The following RAB5C variants were observed in gnomAD, a reference collection of about 807,000 sequenced individuals.
RAB5C encodes the protein RAB5C, member RAS oncogene family.
A neutral mutation model predicts 25.2 loss-of-function variants in RAB5C; 4 were observed. The observed-to-expected ratio is 0.16, with a 90% CI of 0.08 to 0.36. The LOEUF (loss-of-function observed/expected upper bound fraction) is 0.36, where lower values mean the gene tolerates loss of function less well. Among genes scored for constraint, RAB5C ranks in the 10% least tolerant of loss-of-function variants. The pLI is 1.00. For synonymous variants in RAB5C, 100 were observed against 106.4 expected, an observed-to-expected ratio of 0.94 and a Z score of 0.37; for missense variants, 199 against 283.8, an observed-to-expected ratio of 0.70 and a Z score of 2.15.
intron 1 of RAB5C, among the ~76,000 whole-genome samples, chr17:42,133,888 A>G (rs1446879124): frequency 6.6e-6 from 1 of 152,178 alleles, no homozygotes; most frequent in Non-Finnish European, 1.5e-5. Flanking sequence ...GGCCATCCCA[A>G]TGAACTGAGA....
At chr17:42,132,475 T>C (rs1398541272) in intron 1 of RAB5C, among the ~76,000 whole-genome samples, 1 of 152,220 alleles carries the variant, frequency 6.6e-6, no homozygotes, top group Non-Finnish European at 1.5e-5. Flanking sequence ...TTCTGCTTCT[T>C]AGAGATGCCT....
In RAB5C at chr17:42,125,736, G is replaced by A; in HGVS notation, c.*47C>T. 7.2e-7 allele frequency: 1 copy of A among 1,381,576 alleles called. No individual in the cohort carries two copies. The highest frequency in any genetic ancestry group is 1.0e-6 in the Non-Finnish European group (1 of 998,390). The allele number at this position is 1,381,576 out of a possible 1,614,324, so 85.6% of individuals were successfully genotyped here. On this transcript the variant is annotated 3_prime_UTR_variant, in exon 6 of 6. Coordinates refer to ENST00000346213, the MANE Select transcript of RAB5C (RefSeq NM_004583.4). ...GATTGGTTAGAGTGGATTCCAGTCG[G>A]GTCATTCAGGCGGAGGAGGCGGGGG...
At chr17:42,146,754 A>T (rs1395081500) in intron 1 of RAB5C, among the ~76,000 whole-genome samples, 1 of 145,254 alleles carries the variant, frequency 6.9e-6, no homozygotes, top group Non-Finnish European at 1.5e-5. Flanking sequence ...ATTTCAAAAG[A>T]AAAAAAAAAA....
chr17:42,125,611 G>A lies in RAB5C; in HGVS notation c.*172C>T. 1 of 587,178 alleles carries A rather than the reference G, an allele frequency of 1.7e-6. No individual in the cohort carries two copies. The highest frequency in any genetic ancestry group is 3.0e-6 in the Non-Finnish European group (1 of 329,274). The allele number at this position is 587,178 out of a possible 1,614,324, so 36.4% of individuals were successfully genotyped here. ...ATTAGTATTTGTACAGAAAGGTGCA[G>A]GTGGAATGACTCACTCCGGCCTATG... On this transcript the variant is annotated 3_prime_UTR_variant, in exon 6 of 6. Transcript: ENST00000346213.
chr17:42,136,135 G>A (rs1481657112), intron 1 of RAB5C: 1 of 152,190 alleles, frequency 6.6e-6, no homozygotes, highest in Non-Finnish European at 1.5e-5. Context: ...TAAAGAAAAT[G>A]GAGCAAGAGA....
chr17:42,144,897 G>C (rs1290615605), intron 1 of RAB5C, among the ~76,000 whole-genome samples: 1 of 101,538 alleles, frequency 9.8e-6, no homozygotes, highest in Non-Finnish European at 1.9e-5. Flanking sequence ...ACTGCATCCA[G>C]CCTGGGCGAC....
At chr17:42,143,065 C>T (rs778025317) in intron 1 of RAB5C, among the ~76,000 whole-genome samples, 109 of 152,258 alleles carry the variant, frequency 7.2e-4, no homozygotes, top group Non-Finnish European at 1.3e-3. Flanking sequence ...TAGCATCAGG[C>T]AGGGGTAAGA....
intron 1 of RAB5C, chr17:42,131,624 C>T (rs1204408896): frequency 1.1e-5 from 17 of 1,534,112 alleles, no homozygotes; most frequent in African/African-American, 5.5e-5. Context: ...CCATTCTCTA[C>T]TGGCAGAGAT....
intron 1 of RAB5C, among the ~76,000 whole-genome samples, chr17:42,145,613 G>A (rs959638654): frequency 6.6e-6 from 1 of 152,148 alleles, no homozygotes; most frequent in African/African-American, 2.4e-5. Context: ...GGACATCATG[G>A]TGAAACCTTG....
At chr17:42,152,964 C>G (rs1456260193) in intron 1 of RAB5C, among the ~76,000 whole-genome samples, 2 of 152,218 alleles carry the variant, frequency 1.3e-5, no homozygotes, top group Non-Finnish European at 2.9e-5. Flanking sequence ...TCAGGCCTCT[C>G]TGGCCCTGCC....
rs532141588 is a variant in RAB5C at position 42,125,479 on chromosome 17, T to C, written c.*304A>G. The stretch of plus-strand genomic sequence containing the variant: ...ATACAAGGGTTGGGGGGCAAGAGCA[T>C]GTGGCTACTCCCAGCAAGGGAAAAT... On this transcript the variant is annotated 3_prime_UTR_variant, in exon 6 of 6. Coordinates refer to ENST00000346213, the MANE Select transcript of RAB5C (RefSeq NM_004583.4). The C allele has an allele frequency of 1.1e-4, 35 of 322,260 alleles. No homozygotes were observed. The highest frequency in any genetic ancestry group is 7.5e-4 in the African/African-American group (35 of 46,376). 20.0% of individuals were successfully genotyped at this position (322,260 alleles called of 1,614,324 possible).
At chr17:42,144,367 G>T (rs1339639960) in intron 1 of RAB5C, among the ~76,000 whole-genome samples, 1 of 152,114 alleles carries the variant, frequency 6.6e-6, no homozygotes, top group Non-Finnish European at 1.5e-5. Flanking sequence ...TCAGGCAGGA[G>T]AATCGCTTGA....
Position 42,130,533 on chromosome 17 carries a change from G to A in RAB5C, c.-31C>T, listed in dbSNP as rs370734734. 3.1e-6 allele frequency: 5 copies of A among 1,612,556 alleles called. No individual in the cohort carries two copies. Among genetic ancestry groups the A allele is most frequent in the Non-Finnish European group, 4.2e-6 (5 of 1,179,666 alleles). ...GTCCAGCTGTAGTGGTCCAGAGAGC[G>A]TGCGGGTGGGGACTGGTGCTATGCA... is the stretch of plus-strand genomic sequence containing the variant. On this transcript the variant is annotated 5_prime_UTR_variant, in exon 2 of 6. It adds an upstream start codon to the 5' untranslated region. Coordinates refer to ENST00000346213, the MANE Select transcript of RAB5C (RefSeq NM_004583.4).
chr17:42,141,295 C>G (rs1207430714), intron 1 of RAB5C, among the ~76,000 whole-genome samples: 1 of 152,088 alleles, frequency 6.6e-6, no homozygotes, highest in Non-Finnish European at 1.5e-5. Context: ...ACTTGGGGGA[C>G]TGAGGGTTGT....
chr17:42,134,319 C>T (rs1397938532), intron 1 of RAB5C, among the ~76,000 whole-genome samples: 1 of 152,176 alleles, frequency 6.6e-6, no homozygotes, highest in Admixed American at 6.5e-5. Context: ...CTTGTGCAGT[C>T]AGGTGATGGA....
intron 1 of RAB5C, among the ~76,000 whole-genome samples, chr17:42,133,557 G>A (rs1477430093): frequency 6.6e-6 from 1 of 152,198 alleles, no homozygotes; most frequent in Non-Finnish European, 1.5e-5. Flanking sequence ...TCTCATGAAG[G>A]TTTGGCACAG....
At chr17:42,127,008 GTTTC>G (rs2054433581) in intron 4 of RAB5C, among the ~76,000 whole-genome samples, 160 bp from the exon 5 acceptor site, 1 of 152,214 alleles carries the variant, frequency 6.6e-6, no homozygotes. Context: ...CCTGATCTGG[GTTTC>G]CCCGCTCATG....
At chr17:42,154,445 AC>A (rs2079693203) in intron 1 of RAB5C, among the ~76,000 whole-genome samples, 1 of 150,710 alleles carries the variant, frequency 6.6e-6, no homozygotes, top group East Asian at 1.9e-4. Flanking sequence ...CACCCAGACG[AC>A]CCCCCTCCCC....
intron 1 of RAB5C, among the ~76,000 whole-genome samples, chr17:42,148,104 C>CA (rs1306825566): frequency 0.013 from 1,834 of 142,626 alleles, 39 homozygotes; most frequent in African/African-American, 0.046. Flanking sequence ...GTCTCAAAAA[C>CA]AAACAAAAAA....
Sources: allele counts gnomAD v4.1 joint callset (sites outside exome capture counted in the v4.1 genomes callset), GRCh38; gene constraint gnomAD v4.1.1; transcripts MANE v1.5; gene names NCBI Gene and HGNC (gene_info 2026-07-23, HGNC 2026-07-21).